Variants in SUSD5 observed in about 807,000 individuals in gnomAD.
SUSD5 encodes the protein sushi domain-containing protein 5.
In SUSD5, 33 loss-of-function variants were observed where a neutral mutation model predicts 29.5. That is an observed-to-expected ratio of 1.12 (90% CI 0.85 to 1.49). The LOEUF (loss-of-function observed/expected upper bound fraction) is 1.49. SUSD5 is among the 40% of genes most tolerant of loss of function. SUSD5 has a pLI of 0.00. For missense variants in SUSD5, 776 were observed against 800.6 expected (o/e 0.97, Z 0.37); for synonymous variants, 308 against 325.3 (o/e 0.95, Z 0.57).
At position 33,167,414 on chromosome 3, in the gene SUSD5, C is replaced by CGT. The variant is rs369989497; in HGVS notation, c.598+7470_598+7471dup. 2.0e-5 allele frequency among the ~76,000 whole-genome samples: 3 copies of CGT among 151,478 alleles called. No individual in the cohort carries two copies. The highest frequency in any genetic ancestry group is 2.1e-4 in the South Asian group (1 of 4,762). ...GTGTGTTTGTTTGTGTGCATGCATG[C>CGT]GTGTGTGTGTGTCTGTGTATGCATG... On this transcript the variant is annotated intron_variant, in intron 4 of 4. Coordinates refer to ENST00000309558, the MANE Select transcript of SUSD5 (RefSeq NM_015551.2). The surrounding 1 kb of genome is among the most constrained non-coding windows in gnomAD (Gnocchi z 4.1).
At position 33,152,547 on chromosome 3, in the gene SUSD5, C is replaced by A; in HGVS notation, c.*195G>T. 1.7e-6 allele frequency: 1 copy of A among 595,546 alleles called. No homozygotes were observed. Among genetic ancestry groups the A allele is most frequent in the African/African-American group, 1.9e-5 (1 of 53,892 alleles). 36.9% of individuals were successfully genotyped at this position (595,546 alleles called of 1,614,324 possible). A position where few individuals can be genotyped will look rare whatever the true frequency, so the allele number is the denominator to read the frequency against. ...GGGCAGATGGTGGAGGAGACATTGA[C>A]ATGAGTGATGATGTCACCAAAGCCT... On this transcript the variant is annotated 3_prime_UTR_variant, in exon 5 of 5. Transcript: ENST00000309558.
intron 3 of SUSD5, among the ~76,000 whole-genome samples, chr3:33,190,017 TA>T (rs1421567268): frequency 4.6e-5 from 7 of 152,234 alleles, no homozygotes; most frequent in Admixed American, 4.6e-4. Flanking sequence ...TGACAGCATT[TA>T]CTGGATTGGA....
intron 2 of SUSD5, among the ~76,000 whole-genome samples, chr3:33,212,795 C>A (rs556562963): frequency 6.6e-6 from 1 of 152,152 alleles, no homozygotes; most frequent in Non-Finnish European, 1.5e-5. Flanking sequence ...TAGACAGATG[C>A]GGCATGGATT....
At chr3:33,178,601 C>G in intron 3 of SUSD5, among the ~76,000 whole-genome samples, 1 of 152,162 alleles carries the variant, frequency 6.6e-6, no homozygotes, top group East Asian at 1.9e-4. Context: ...TGCCCACCAC[C>G]ACGCCCGGCT....
chr3:33,199,177 T>C (rs56804155), intron 3 of SUSD5, among the ~76,000 whole-genome samples: 35,635 of 151,934 alleles, frequency 0.23, 4,706 homozygotes, highest in East Asian at 0.44. Context: ...TTCTAGGGTG[T>C]TTCTCCTTCA....
chr3:33,152,672 G>A lies in SUSD5; in HGVS notation c.*70C>T, dbSNP rs997360371. The stretch of plus-strand genomic sequence containing the variant: ...CAGTCCACCTGCGTCATGCTCTAGT[G>A]AATTATCGTGTGATGTGTCACAGTT... On this transcript the variant is annotated 3_prime_UTR_variant, in exon 5 of 5. Coordinates refer to ENST00000309558, the MANE Select transcript of SUSD5 (RefSeq NM_015551.2). 1 of 1,462,884 alleles carries A rather than the reference G, an allele frequency of 6.8e-7. No individual in the cohort carries two copies. 90.6% of individuals were successfully genotyped at this position (1,462,884 alleles called of 1,614,324 possible). A position where few individuals can be genotyped will look rare whatever the true frequency, so the allele number is the denominator to read the frequency against.
chr3:33,202,964 C>A (rs953766564), intron 3 of SUSD5, among the ~76,000 whole-genome samples: 2 of 152,110 alleles, frequency 1.3e-5, no homozygotes, highest in Admixed American at 6.5e-5. Flanking sequence ...TCCAGTCTTG[C>A]CAAAGAGAAG....
intron 3 of SUSD5, among the ~76,000 whole-genome samples, chr3:33,188,481 T>A (rs905020739): frequency 1.3e-5 from 2 of 152,172 alleles, no homozygotes; most frequent in Non-Finnish European, 2.9e-5. Flanking sequence ...TGAACATGCA[T>A]CAGAATCACC....
chr3:33,165,979 G>A (rs1043247062), intron 4 of SUSD5, among the ~76,000 whole-genome samples: 8 of 142,836 alleles, frequency 5.6e-5, no homozygotes, highest in East Asian at 2.0e-4. Flanking sequence ...CCACTGCACC[G>A]CAGCCTGGGT....
At position 33,151,430 on chromosome 3, in the gene SUSD5, CCA is replaced by C. The variant is rs1559440956; in HGVS notation, c.*1310_*1311del. 1 of 152,248 alleles carries C rather than the reference CCA, an allele frequency of 6.6e-6. No individual in the cohort carries two copies. Among genetic ancestry groups the C allele is most frequent in the Non-Finnish European group, 1.5e-5 (1 of 68,056 alleles). The allele number at this position is 152,248 out of a possible 1,614,324, so 9.4% of individuals were successfully genotyped here. A position where few individuals can be genotyped will look rare whatever the true frequency, so the allele number is the denominator to read the frequency against. On this transcript the variant is annotated 3_prime_UTR_variant, in exon 5 of 5. Coordinates refer to ENST00000309558, the MANE Select transcript of SUSD5 (RefSeq NM_015551.2). ...TCTGTTTCCACAGAGCTCCCAGTTT[CCA>C]CACTAGAGAACAGATCAGCACAGAT...
At chr3:33,178,910 G>A (rs897512742) in intron 3 of SUSD5, among the ~76,000 whole-genome samples, 3 of 152,120 alleles carry the variant, frequency 2.0e-5, no homozygotes. Context: ...TTCTTTGGAA[G>A]GTTGTAGAGG....
At chr3:33,190,380 T>C (rs2031866934) in intron 3 of SUSD5, 1 of 153,576 alleles carries the variant, frequency 6.5e-6, no homozygotes, top group Non-Finnish European at 1.5e-5. Flanking sequence ...CAAATACATA[T>C]GCACAGCACT....
chr3:33,177,390 CAG>C (rs1222888898), intron 3 of SUSD5, among the ~76,000 whole-genome samples: 2 of 152,172 alleles, frequency 1.3e-5, no homozygotes, highest in Non-Finnish European at 2.9e-5. Context: ...TATATTTCAT[CAG>C]AGTTTTACAG....
chr3:33,200,862 G>A (rs1321059179), intron 3 of SUSD5, among the ~76,000 whole-genome samples: 1 of 152,170 alleles, frequency 6.6e-6, no homozygotes, highest in African/African-American at 2.4e-5. Flanking sequence ...GAACTTGCAA[G>A]CCATGAAATT....
At chr3:33,158,940 G>A (rs990718280) in intron 4 of SUSD5, among the ~76,000 whole-genome samples, 2 of 152,130 alleles carry the variant, frequency 1.3e-5, no homozygotes, top group South Asian at 2.1e-4. Context: ...CCAAGACATC[G>A]AACCGTGAAG....
At chr3:33,196,440 T>G (rs2031997695) in intron 3 of SUSD5, among the ~76,000 whole-genome samples, 1 of 152,174 alleles carries the variant, frequency 6.6e-6, no homozygotes, top group South Asian at 2.1e-4. Context: ...TTTGCAGTGG[T>G]GATTTGCTGG....
intron 4 of SUSD5, among the ~76,000 whole-genome samples, chr3:33,162,762 G>A (rs1202600613): frequency 2.0e-5 from 3 of 152,086 alleles, no homozygotes; most frequent in African/African-American, 7.2e-5. Flanking sequence ...AGATCAGCCT[G>A]GCCAACACGG....
intron 3 of SUSD5, among the ~76,000 whole-genome samples, chr3:33,184,041 G>A (rs2031731475): frequency 2.1e-5 from 3 of 145,250 alleles, no homozygotes; most frequent in East Asian, 2.1e-4. Flanking sequence ...GGGTTTAAGC[G>A]ATTCTCCTGC....
rs976786210 is a variant in SUSD5 at position 33,167,989 on chromosome 3, T to G, written c.598+6897A>C. On this transcript the variant is annotated intron_variant, in intron 4 of 4. Transcript: ENST00000309558. This position sits in a 1 kb window ranked among gnomAD's most constrained non-coding sequence, Gnocchi z 4.1. ...GAAATGTAAGCTTTGTGGCTTCTCC[T>G]GGCAAAATGCAGGTCATTCACTGTG... Among the ~76,000 whole-genome samples the G allele has an allele frequency of 4.6e-5, 7 of 152,246 alleles. No homozygotes were observed. The highest frequency in any genetic ancestry group is 1.7e-4 in the African/African-American group (7 of 41,464).
Sources: gnomAD v4.1 joint callset for allele counts (sites outside exome capture counted in the v4.1 genomes callset) on GRCh38, gnomAD v4.1.1 for gene constraint, Gnocchi (gnomAD v3.1) non-coding constraint, MANE v1.5 for transcripts, NCBI Gene and HGNC (gene_info 2026-07-23, HGNC 2026-07-21) for gene names.